The following CPAMD8 variants were observed in gnomAD, a reference collection of about 807,000 sequenced individuals.
The protein encoded by CPAMD8 is C3 and PZP like alpha-2-macroglobulin domain containing 8.
A neutral mutation model predicts 224.7 loss-of-function variants in CPAMD8; 146 were observed. That is an observed-to-expected ratio of 0.65 (90% CI 0.57 to 0.75). The LOEUF (loss-of-function observed/expected upper bound fraction) is 0.75, where lower values mean the gene tolerates loss of function less well. Among genes scored for constraint, CPAMD8 ranks in the 30% least tolerant of loss-of-function variants. The probability of loss-of-function intolerance (pLI) is 0.00; values close to 1 mark genes in which losing one functional copy is unlikely to be tolerated. For missense variants in CPAMD8, 2,301 were observed against 2,537.5 expected (o/e 0.91, Z 2.00); for synonymous variants, 966 against 1,044.6 (o/e 0.92, Z 1.45).
rs368347732 is a variant in CPAMD8 at position 17,022,149 on chromosome 19, C to G, written c.125G>C (p.Arg42Pro). Residue 42 changes from arginine (R) to proline (P), a missense_variant, in exon 2 of 42, where the codon CGC (arginine) becomes CCC (proline). By Grantham distance (103) the Arg-to-Pro change is moderately radical. Transcript: ENST00000443236. ...GCTGATGACTTCCTCCACGCCCGCG[C>G]GAAAAACAGAGGGAGCTGCAATCAA... ...GYLIAAPSVFRAGVEEVISVT... is the reference protein window; with the variant it reads ...GYLIAAPSVFPAGVEEVISVT... 3.7e-6 allele frequency: 6 copies of G among 1,610,066 alleles called. No individual in the cohort carries two copies.
intron 22 of CPAMD8, among the ~76,000 whole-genome samples, chr19:16,940,380 T>C (rs992752709): frequency 1.3e-5 from 2 of 152,198 alleles, no homozygotes; most frequent in African/African-American, 4.8e-5. Context: ...GTTTCTCTGG[T>C]GAATCCTAAT....
chr19:16,921,870 C>G, intron 27 of CPAMD8, 35 bp downstream of exon 27: 1 of 1,426,340 alleles, frequency 7.0e-7, no homozygotes, highest in Non-Finnish European at 9.6e-7. Flanking sequence ...GGGCGGGGAG[C>G]CTCAGAGGCA....
At chr19:16,923,790 C>T (rs2053259799) in intron 26 of CPAMD8, among the ~76,000 whole-genome samples, 2 of 151,992 alleles carry the variant, frequency 1.3e-5, no homozygotes, top group Admixed American at 1.3e-4. Flanking sequence ...ATAGCGGAAC[C>T]CCATCTTTAC....
At position 16,895,701 on chromosome 19, in the gene CPAMD8, C is replaced by G. The variant is rs545341991; in HGVS notation, c.5426+475G>C. The G allele has an allele frequency of 4.0e-5, 14 of 347,784 alleles. No individual in the cohort carries two copies. The East Asian group carries it at 9.8e-4, about 24-fold the overall frequency. 21.5% of individuals were successfully genotyped at this position (347,784 alleles called of 1,614,324 possible). ...ATCTGAAATGTTCCAAAATCCAAGT[C>G]TTTTTGAGCAGCGACTTGACGTGCT... On this transcript the variant is annotated intron_variant, in intron 41 of 41. Coordinates refer to ENST00000443236, the MANE Select transcript of CPAMD8 (RefSeq NM_015692.5).
At chr19:17,010,728 A>G (rs947429512) in intron 5 of CPAMD8, among the ~76,000 whole-genome samples, 11 of 152,178 alleles carry the variant, frequency 7.2e-5, no homozygotes, top group African/African-American at 2.7e-4. Flanking sequence ...CTAGAAAGAA[A>G]GCACATAAAT....
In CPAMD8 at chr19:16,896,247, G is replaced by C; in HGVS notation, c.5355C>G (p.Asp1785Glu). Residue 1785 changes from aspartate (D) to glutamate (E), a missense_variant, in exon 41 of 42, where the codon GAC becomes GAG. This residue lies in a region of CPAMD8 where 1,709 missense variants were observed against 1,753.2 expected (regional missense o/e 0.97). Coordinates refer to ENST00000443236, the MANE Select transcript of CPAMD8 (RefSeq NM_015692.5). ...CAAGGCCGGCTCCATTCAGCTTCAC[G>C]TCCTGCTGTAAAGGCCCCGGGGCCA... ...ASVAPGPLQQ[D>E]VKLNGAGLEV... 1 of 1,613,636 alleles carries C rather than the reference G, an allele frequency of 6.2e-7. No individual in the cohort carries two copies. Among genetic ancestry groups the C allele is most frequent in the South Asian group, 1.1e-5 (1 of 91,076 alleles).
chr19:16,997,514 T>C (rs2056170994), intron 10 of CPAMD8, among the ~76,000 whole-genome samples, 176 bp from the exon 11 acceptor site: 1 of 152,138 alleles, frequency 6.6e-6, no homozygotes. Context: ...TCACTGGATC[T>C]GGACAACATC....
intron 3 of CPAMD8, among the ~76,000 whole-genome samples, chr19:17,014,856 G>C (rs917312672): frequency 1.3e-5 from 2 of 152,176 alleles, no homozygotes; most frequent in Non-Finnish European, 2.9e-5. Flanking sequence ...TTTGATGATA[G>C]TTACCCTCTC....
At chr19:17,008,736 A>C in intron 6 of CPAMD8, 177 bp from the exon 7 acceptor site, 2 of 761,576 alleles carry the variant, frequency 2.6e-6, no homozygotes, top group Non-Finnish European at 4.6e-6. Flanking sequence ...AAGGATTTGA[A>C]AAGCAGAAGG....
chr19:17,012,385 T>C (rs1268409463), intron 3 of CPAMD8, among the ~76,000 whole-genome samples: 4 of 150,526 alleles, frequency 2.7e-5, no homozygotes, highest in African/African-American at 7.3e-5. Flanking sequence ...TTTATCTCTG[T>C]TGCCCAGGCT....
intron 26 of CPAMD8, among the ~76,000 whole-genome samples, chr19:16,924,160 T>G (rs946776519): frequency 6.6e-6 from 1 of 151,934 alleles, no homozygotes; most frequent in Admixed American, 6.6e-5. Flanking sequence ...ACTTTTGGCC[T>G]CCAGAACTAT....
intron 30 of CPAMD8, among the ~76,000 whole-genome samples, chr19:16,906,160 C>A (rs974586931): frequency 6.6e-6 from 1 of 152,086 alleles, no homozygotes; most frequent in Admixed American, 6.6e-5. Context: ...CTTGGACAAG[C>A]CACTTCCTCA....
intron 5 of CPAMD8, among the ~76,000 whole-genome samples, 174 bp downstream of exon 5, chr19:17,011,290 A>T (rs1220478448): frequency 6.6e-6 from 1 of 152,210 alleles, no homozygotes; most frequent in Non-Finnish European, 1.5e-5. Context: ...CACGCCCACC[A>T]GCCTTCCTCT....
chr19:16,914,587 C>T lies in CPAMD8; in HGVS notation c.3786+70G>A, dbSNP rs918143344. Reference sequence around the variant, plus strand: ...CCCAGGCAGCTCCAGGGAGTAGGAACAGGCAGGTCAGGGCTGGGGCTCTGG... The same window carrying T: ...CCCAGGCAGCTCCAGGGAGTAGGAATAGGCAGGTCAGGGCTGGGGCTCTGG... On this transcript the variant is annotated intron_variant, in intron 28 of 41. Transcript: ENST00000443236. 102 of 1,611,704 alleles carry T rather than the reference C, an allele frequency of 6.3e-5. 2 individuals are homozygous for T. Among genetic ancestry groups the T allele is most frequent in the Admixed American group, 4.2e-4 (25 of 59,954 alleles).
At chr19:16,922,230 G>A (rs1333412977) in intron 26 of CPAMD8, among the ~76,000 whole-genome samples, 3 of 151,730 alleles carry the variant, frequency 2.0e-5, no homozygotes, top group Non-Finnish European at 4.4e-5. Context: ...ACCACATTTG[G>A]AGTCCCTAAA....
intron 8 of CPAMD8, among the ~76,000 whole-genome samples, chr19:17,003,642 G>A (rs2056399504): frequency 6.6e-6 from 1 of 151,468 alleles, no homozygotes; most frequent in South Asian, 2.1e-4. Context: ...ACCAGGTGTG[G>A]TGGCTCACAC....
In CPAMD8 at chr19:16,901,280, G is replaced by A. The variant is rs1297399102; in HGVS notation, c.4703C>T (p.Ser1568Phe). 1 of 1,612,024 alleles carries A rather than the reference G, an allele frequency of 6.2e-7. No individual in the cohort carries two copies. The highest frequency in any genetic ancestry group is 8.5e-7 in the Non-Finnish European group (1 of 1,178,870). The change falls in exon 36 of 42, where the codon TCT (serine) becomes TTT (phenylalanine). Residue 1568 changes from serine to phenylalanine, a missense_variant. Around this residue, in one of 4 missense-constraint regions of CPAMD8, gnomAD observed 1,709 missense variants for 1,753.2 expected, o/e 0.97. Coordinates refer to ENST00000443236, the MANE Select transcript of CPAMD8 (RefSeq NM_015692.5). ...CACCTCCAGGACAGCCATATTGGAA[G>A]ACCCTGCATGCAGCCACCTTCCAAC... ...EVCTRWLHAGSSNMAVLEVPL... is the reference protein window; with the variant it reads ...EVCTRWLHAGFSNMAVLEVPL...
intron 3 of CPAMD8, among the ~76,000 whole-genome samples, chr19:17,015,837 G>T (rs114801977): frequency 0.016 from 2,441 of 152,280 alleles, 52 homozygotes; most frequent in African/African-American, 0.047. Context: ...AAGAGACTAT[G>T]CTGAGCACAT....
intron 10 of CPAMD8, among the ~76,000 whole-genome samples, chr19:16,997,611 G>A (rs2056174378): frequency 1.3e-5 from 2 of 152,090 alleles, no homozygotes; most frequent in South Asian, 4.1e-4. Flanking sequence ...AGCACTTTGG[G>A]AGGCTGTGGC....
Sources: gnomAD v4.1 joint callset for allele counts (sites outside exome capture counted in the v4.1 genomes callset) on GRCh38, gnomAD v4.1.1 for gene constraint, gnomAD v4.1.1 regional missense constraint, MANE v1.5 for transcripts, NCBI Gene and HGNC (gene_info 2026-07-23, HGNC 2026-07-21) for gene names.